The following ABCA4 variants were observed in gnomAD, a reference collection of about 807,000 sequenced individuals.
ABCA4 encodes retinal-specific phospholipid-transporting ATPase ABCA4.
Under a neutral mutation model 263.7 loss-of-function variants are expected in ABCA4, and 196 were observed. That is an observed-to-expected ratio of 0.74 (90% confidence interval 0.66 to 0.84). The LOEUF (loss-of-function observed/expected upper bound fraction) is 0.84. ABCA4 is among the 40% of genes least tolerant of loss of function. The pLI is 0.00. For missense variants in ABCA4, 2,792 were observed against 2,855.1 expected, an observed-to-expected ratio of 0.98 and a Z score of 0.50; for synonymous variants, 1,133 against 1,094.2, an observed-to-expected ratio of 1.04 and a Z score of -0.70.
intron 1 of ABCA4, among the ~76,000 whole-genome samples, chr1:94,116,737 G>C (rs4147803): frequency 0.42 from 63,613 of 151,760 alleles, 13,354 homozygotes; most frequent in African/African-American, 0.45. Flanking sequence ...GCTTAACTGC[G>C]TACAGGCATA....
chr1:94,099,756 TTTG>T (rs1204496564), intron 5 of ABCA4, among the ~76,000 whole-genome samples: 1 of 152,234 alleles, frequency 6.6e-6, no homozygotes, highest in Non-Finnish European at 1.5e-5. Flanking sequence ...GAAAAAATTA[TTTG>T]TTGTTTATCT....
At chr1:94,115,318 T>C (rs10493869) in intron 1 of ABCA4, among the ~76,000 whole-genome samples, 31,353 of 152,178 alleles carry the variant, frequency 0.21, 3,319 homozygotes, top group Middle Eastern at 0.23. Flanking sequence ...CTGTCTTCCA[T>C]GCGGCAACAT....
At chr1:94,054,797 A>C (rs961965842) in intron 16 of ABCA4, among the ~76,000 whole-genome samples, 4 of 152,142 alleles carry the variant, frequency 2.6e-5, no homozygotes, top group Non-Finnish European at 5.9e-5. Context: ...GAGGGCTGAC[A>C]CCACATGACC....
chr1:94,000,286 TTAA>T (rs1216758487), intron 47 of ABCA4, among the ~76,000 whole-genome samples: 19 of 152,390 alleles, frequency 1.2e-4, no homozygotes, highest in African/African-American at 3.8e-4. Context: ...ATGCAAACTC[TTAA>T]TAATAAGGAA....
intron 1 of ABCA4, among the ~76,000 whole-genome samples, chr1:94,117,177 A>G (rs1662813447): frequency 6.6e-6 from 1 of 151,610 alleles, no homozygotes; most frequent in South Asian, 2.1e-4. Flanking sequence ...TTGTTGTTTT[A>G]GAACTGAGCC....
At chr1:94,041,970 G>C (rs550101682) in intron 22 of ABCA4, among the ~76,000 whole-genome samples, 6 of 151,836 alleles carry the variant, frequency 4.0e-5, no homozygotes, top group Non-Finnish European at 7.4e-5. Context: ...GTGGTGGCGG[G>C]CACCTGTAGT....
chr1:94,015,397 T>C (rs1353362873), intron 37 of ABCA4, among the ~76,000 whole-genome samples: 1 of 152,116 alleles, frequency 6.6e-6, no homozygotes, highest in African/African-American at 2.4e-5. Flanking sequence ...GTGGACAGAT[T>C]GGCCACAGAT....
chr1:94,104,902 T>C (rs1334388413), intron 4 of ABCA4, among the ~76,000 whole-genome samples: 2 of 152,086 alleles, frequency 1.3e-5, no homozygotes, highest in Non-Finnish European at 2.9e-5. Flanking sequence ...AATTACCCCT[T>C]CATACACAGC....
At chr1:94,000,761 A>C in intron 47 of ABCA4, 75 bp downstream of exon 47, 2 of 1,485,730 alleles carry the variant, frequency 1.3e-6, no homozygotes, top group Non-Finnish European at 1.9e-6. Context: ...GGACTCTTCC[A>C]AGTGTCAATG....
At chr1:94,049,005 C>T (rs12069723) in intron 17 of ABCA4, 48 bp from the exon 18 acceptor site, 23 of 1,593,580 alleles carry the variant, frequency 1.4e-5, no homozygotes, top group East Asian at 6.7e-5. Context: ...GAGCTGAGAA[C>T]GAGCAAAGGC....
At chr1:94,005,233 T>C in intron 44 of ABCA4, 1 of 598,022 alleles carries the variant, frequency 1.7e-6, no homozygotes, top group South Asian at 2.2e-5. Flanking sequence ...GATATGAGAG[T>C]GGGGATTTTT....
intron 28 of ABCA4, 123 bp from the exon 29 acceptor site, chr1:94,030,649 G>C: frequency 2.1e-6 from 2 of 972,916 alleles, no homozygotes; most frequent in Non-Finnish European, 3.2e-6. Flanking sequence ...ATGCTGCCTT[G>C]GGATGGCGCT....
Position 94,037,336 on chromosome 1 carries a change from G to T in ABCA4, c.3622C>A (p.Leu1208Met), listed in dbSNP as rs757221381. 2 of 1,614,140 alleles carry T rather than the reference G, an allele frequency of 1.2e-6. No individual in the cohort carries two copies. Among genetic ancestry groups the T allele is most frequent in the Non-Finnish European group, 1.7e-6 (2 of 1,180,022 alleles). The change falls in exon 25 of 50, where the codon CTG becomes ATG. Residue 1208 changes from leucine (L) to methionine (M), a missense_variant. Physicochemically the swap from Leu to Met is conservative, Grantham distance 15. Transcript: ENST00000370225. The part of the protein sequence containing the change: ...EQVLDGDVNE[L>M]MDVVLHHVPE... ...ACATGGTGGAGAACTACATCCATCAGCTCATTTACATCCCCTAGGACAAGA... is the reference window on the plus strand; with the variant it reads ...ACATGGTGGAGAACTACATCCATCATCTCATTTACATCCCCTAGGACAAGA...
chr1:94,091,579 TCACACA>T (rs35529737), intron 6 of ABCA4, among the ~76,000 whole-genome samples: 12,075 of 143,482 alleles, frequency 0.084, 554 homozygotes, highest in African/African-American at 0.12. Flanking sequence ...AAACATCATC[TCACACA>T]CACACACACA....
intron 11 of ABCA4, among the ~76,000 whole-genome samples, chr1:94,071,236 G>A (rs931649810): frequency 2.0e-5 from 3 of 152,176 alleles, no homozygotes; most frequent in African/African-American, 7.2e-5. Flanking sequence ...GGGATTAACA[G>A]CATTTATTCA....
intron 36 of ABCA4, 138 bp downstream of exon 36, chr1:94,019,444 C>A: frequency 1.1e-6 from 1 of 942,746 alleles, no homozygotes; most frequent in South Asian, 1.7e-5. Flanking sequence ...AGCAGATACA[C>A]AAGGCCCTTG....
Position 94,060,685 on chromosome 1 carries a change from A to C in ABCA4, c.2012T>G (p.Val671Gly). 1 of 1,614,172 alleles carries C rather than the reference A, an allele frequency of 6.2e-7. No homozygotes were observed. The highest frequency in any genetic ancestry group is 8.5e-7 in the Non-Finnish European group (1 of 1,180,032). ...CTCCTTCTCCAAGACGATGCTCTTC[A>C]CAGTCATGGAGACAGAGTAGATCCA... ...LAWIYSVSMT[V>G]KSIVLEKELR... The change falls in exon 14 of 50, where the codon GTG becomes GGG. Residue 671 changes from valine to glycine, a missense_variant. Val to Gly is a moderately radical substitution (Grantham distance 109). Transcript: ENST00000370225.
At chr1:94,047,621 C>T (rs1660723971) in intron 18 of ABCA4, among the ~76,000 whole-genome samples, 1 of 152,176 alleles carries the variant, frequency 6.6e-6, no homozygotes, top group Admixed American at 6.5e-5. Flanking sequence ...ACAACATCTG[C>T]CTTCAGATTC....
chr1:94,071,824 A>G (rs1661406205), intron 11 of ABCA4, among the ~76,000 whole-genome samples: 1 of 152,184 alleles, frequency 6.6e-6, no homozygotes, highest in Admixed American at 6.5e-5. Flanking sequence ...GTCATTGCCT[A>G]TGAGTTGCTT....
Sources: allele counts gnomAD v4.1 joint callset (sites outside exome capture counted in the v4.1 genomes callset), GRCh38; gene constraint gnomAD v4.1.1; transcripts MANE v1.5; gene names NCBI Gene and HGNC (gene_info 2026-07-23, HGNC 2026-07-21).